The following WWOX variants were observed in gnomAD, a reference collection of about 807,000 sequenced individuals.
WWOX encodes WW domain-containing oxidoreductase.
Under a neutral mutation model 46.2 loss-of-function variants are expected in WWOX, and 69 were observed. That is an observed-to-expected ratio of 1.49 (90% CI 1.23 to 1.82). The LOEUF (loss-of-function observed/expected upper bound fraction) is 1.82. WWOX is among the 40% of genes most tolerant of loss of function. The pLI is 0.00. For missense variants in WWOX, 919 were observed against 542.6 expected (o/e 1.69, Z -6.89); for synonymous variants, 359 against 202.6 (o/e 1.77, Z -6.56).
chr16:78,409,598 C>T (rs1321751286), intron 6 of WWOX, among the ~76,000 whole-genome samples: 2 of 152,134 alleles, frequency 1.3e-5, no homozygotes, highest in Non-Finnish European at 2.9e-5. Context: ...TGTTAGTTTT[C>T]CATTGCTGTT....
intron 8 of WWOX, among the ~76,000 whole-genome samples, chr16:79,009,751 C>G (rs761706363): frequency 2.6e-5 from 4 of 152,062 alleles, no homozygotes; most frequent in Non-Finnish European, 5.9e-5. Flanking sequence ...GCTCCTGGCA[C>G]CCATCAAATT....
At chr16:78,332,150 A>C (rs1379818526) in intron 5 of WWOX, among the ~76,000 whole-genome samples, 2 of 152,096 alleles carry the variant, frequency 1.3e-5, no homozygotes, top group Non-Finnish European at 2.9e-5. Context: ...GTGCCCACCT[A>C]CATCCTGGGT....
intron 8 of WWOX, among the ~76,000 whole-genome samples, chr16:78,848,160 C>G (rs910049634): frequency 6.6e-6 from 1 of 152,164 alleles, no homozygotes; most frequent in African/African-American, 2.4e-5. Context: ...TGTTGTTACT[C>G]ACTGGGTTTT....
intron 8 of WWOX, among the ~76,000 whole-genome samples, chr16:78,481,971 CCTAGCTGT>C (rs1326891006): frequency 6.6e-6 from 1 of 152,108 alleles, no homozygotes; most frequent in Admixed American, 6.6e-5. Context: ...GGCTGAGCTG[CCTAGCTGT>C]CTGCATTTCT....
intron 4 of WWOX, among the ~76,000 whole-genome samples, chr16:78,135,123 A>T (rs1459533554): frequency 2.6e-5 from 4 of 152,190 alleles, no homozygotes; most frequent in Non-Finnish European, 4.4e-5. Flanking sequence ...CTTGCTGAGA[A>T]ATAGAGGATG....
chr16:79,001,573 C>T lies in WWOX; in HGVS notation c.1057-210035C>T, dbSNP rs552342804. 9.9e-5 allele frequency among the ~76,000 whole-genome samples: 15 copies of T among 151,958 alleles called. No individual in the cohort carries two copies. The East Asian group carries it at 2.1e-3, about 22-fold the overall frequency. On this transcript the variant is annotated intron_variant, in intron 8 of 8. Transcript: ENST00000566780. ...TCCTCTCAGTTGGATTTATTTTAAA[C>T]AAGTTTTGCCCCTTATACATTAAGG...
At chr16:79,179,144 C>G (rs916674421) in intron 8 of WWOX, among the ~76,000 whole-genome samples, 7 of 152,186 alleles carry the variant, frequency 4.6e-5, no homozygotes, top group African/African-American at 1.4e-4. Context: ...TTTAAACTCA[C>G]AAAACCTGGA....
At chr16:78,336,807 T>G (rs1196063914) in intron 5 of WWOX, among the ~76,000 whole-genome samples, 1 of 152,176 alleles carries the variant, frequency 6.6e-6, no homozygotes, top group African/African-American at 2.4e-5. Flanking sequence ...TTTGTTTGTT[T>G]TCGAGACGAA....
At chr16:78,530,244 G>T (rs973394985) in intron 8 of WWOX, among the ~76,000 whole-genome samples, 5 of 152,168 alleles carry the variant, frequency 3.3e-5, no homozygotes, top group African/African-American at 1.2e-4. Flanking sequence ...GCCATCCACG[G>T]ACGGCTTAAG....
intron 8 of WWOX, among the ~76,000 whole-genome samples, chr16:79,026,344 G>C (rs1009736603): frequency 1.3e-5 from 2 of 151,624 alleles, no homozygotes; most frequent in African/African-American, 4.9e-5. Flanking sequence ...ACCTTCATTA[G>C]GTTATCAGAT....
intron 5 of WWOX, among the ~76,000 whole-genome samples, chr16:78,170,000 G>T (rs1301758654): frequency 1.3e-5 from 2 of 152,164 alleles, no homozygotes; most frequent in African/African-American, 4.8e-5. Flanking sequence ...TGGTCAGAGA[G>T]GGCTGGTATG....
At chr16:78,294,172 G>A (rs971783345) in intron 5 of WWOX, among the ~76,000 whole-genome samples, 1 of 152,006 alleles carries the variant, frequency 6.6e-6, no homozygotes, top group Non-Finnish European at 1.5e-5. Context: ...CTCAGATAGA[G>A]CCATAAGGAT....
intron 8 of WWOX, among the ~76,000 whole-genome samples, chr16:78,986,359 A>G (rs1448705807): frequency 6.6e-6 from 1 of 152,188 alleles, no homozygotes; most frequent in African/African-American, 2.4e-5. Flanking sequence ...ATGAAGGCAT[A>G]TTCCTAATAT....
At chr16:78,768,653 T>C (rs2094512367) in intron 8 of WWOX, among the ~76,000 whole-genome samples, 1 of 152,182 alleles carries the variant, frequency 6.6e-6, no homozygotes, top group Admixed American at 6.5e-5. Flanking sequence ...CTTTATAATT[T>C]TCAGAGGTTG....
intron 8 of WWOX, chr16:79,204,096 G>T (rs1308744406): frequency 6.6e-6 from 1 of 151,954 alleles, no homozygotes; most frequent in Non-Finnish European, 1.5e-5. Context: ...AATTTCTATG[G>T]CACTTCTGCT....
intron 8 of WWOX, among the ~76,000 whole-genome samples, chr16:78,910,976 C>T (rs1328717771): frequency 6.6e-6 from 1 of 151,948 alleles, no homozygotes; most frequent in Non-Finnish European, 1.5e-5. Flanking sequence ...ATGTGTTGTG[C>T]ACAATATATA....
At chr16:79,167,569 A>G (rs2050619361) in intron 8 of WWOX, among the ~76,000 whole-genome samples, 1 of 152,154 alleles carries the variant, frequency 6.6e-6, no homozygotes, top group African/African-American at 2.4e-5. Context: ...GCCTCCACGC[A>G]TCGTAATTCC....
At chr16:78,758,958 A>G (rs369599825) in intron 8 of WWOX, among the ~76,000 whole-genome samples, 1 of 151,760 alleles carries the variant, frequency 6.6e-6, no homozygotes, top group Non-Finnish European at 1.5e-5. Flanking sequence ...AAAACAAAAA[A>G]CCTTCACAGA....
At chr16:78,737,647 C>T (rs1267293776) in intron 8 of WWOX, among the ~76,000 whole-genome samples, 1 of 152,130 alleles carries the variant, frequency 6.6e-6, no homozygotes, top group African/African-American at 2.4e-5. Flanking sequence ...TTTGCATCCT[C>T]ATAGTTTAGC....
Sources: allele counts gnomAD v4.1 joint callset (sites outside exome capture counted in the v4.1 genomes callset), GRCh38; gene constraint gnomAD v4.1.1; transcripts MANE v1.5; gene names NCBI Gene and HGNC (gene_info 2026-07-23, HGNC 2026-07-21).